The following ESM1 variants were observed in gnomAD, a reference collection of about 807,000 sequenced individuals.
The protein encoded by ESM1 is endothelial cell specific molecule 1.
Under a neutral mutation model 14.9 loss-of-function variants are expected in ESM1, and 7 were observed. That is an observed-to-expected ratio of 0.47 (90% CI 0.27 to 0.88). The LOEUF (loss-of-function observed/expected upper bound fraction) is 0.88. Ranked by LOEUF, ESM1 falls within the 40% of genes least tolerant of loss-of-function variation. ESM1 has a pLI of 0.14. For synonymous variants in ESM1, 89 were observed against 89.4 expected, an observed-to-expected ratio of 1.00 and a Z score of 0.02; for missense variants, 192 against 237.9, an observed-to-expected ratio of 0.81 and a Z score of 1.27.
rs1417428847 is a variant in ESM1 at position 54,978,954 on chromosome 5, C to A, written c.*378G>T. 1 of 154,790 alleles carries A rather than the reference C, an allele frequency of 6.5e-6. No homozygotes were observed. Among genetic ancestry groups the A allele is most frequent in the East Asian group, 1.9e-4 (1 of 5,310 alleles). The allele number at this position is 154,790 out of a possible 1,614,324, so 9.6% of individuals were successfully genotyped here. On this transcript the variant is annotated 3_prime_UTR_variant, in exon 3 of 3. Transcript: ENST00000381405. ...TGCTCTTAAGTCTTCATTCCATATC[C>A]CAACATTAATGTACATCAAAGTCAA... is the stretch of plus-strand genomic sequence containing the variant.
At chr5:54,979,891 T>C (rs1372750907) in intron 2 of ESM1, among the ~76,000 whole-genome samples, 1 of 152,220 alleles carries the variant, frequency 6.6e-6, no homozygotes, top group African/African-American at 2.4e-5. Flanking sequence ...TAACTTTTGC[T>C]GCATCCAGAA....
At chr5:54,982,675 T>C (rs1034598146) in intron 1 of ESM1, among the ~76,000 whole-genome samples, 3 of 152,326 alleles carry the variant, frequency 2.0e-5, no homozygotes, top group Admixed American at 6.5e-5. Context: ...CAATCTTCCA[T>C]CTGCTCCAAC....
intron 1 of ESM1, among the ~76,000 whole-genome samples, chr5:54,983,891 C>T (rs1279772506): frequency 1.3e-5 from 2 of 152,190 alleles, no homozygotes; most frequent in African/African-American, 4.8e-5. Flanking sequence ...CACTTCCTCC[C>T]TAATTTCCTT....
rs767853433 is a variant in ESM1 at position 54,985,362 on chromosome 5, G to A, written c.156C>T (p.Gly52=). The change falls in exon 1 of 3, where the codon GGC becomes GGT. Residue 52 remains glycine, a synonymous_variant. Coordinates refer to ENST00000381405, the MANE Select transcript of ESM1 (RefSeq NM_007036.5). ...GCCCTGCAGCGCACACTCGGCAGCA[G>A]CCACAGTCGTCGAGCACTGTCCTCT... ...RCKRTVLDDC[G]CCRVCAAGRG... The A allele has an allele frequency of 1.2e-6, 2 of 1,614,086 alleles. No individual in the cohort carries two copies. The highest frequency in any genetic ancestry group is 2.2e-5 in the South Asian group (2 of 91,094).
Position 54,982,014 on chromosome 5 carries a change from C to A in ESM1, c.434G>T (p.Arg145Ile). Residue 145 changes from arginine (R) to isoleucine (I), a missense_variant, in exon 2 of 3, where the codon AGA becomes ATA. Transcript: ENST00000381405. ...GTGCTTACCCGTGAGAGAAACAAAT[C>A]TGTTGGAAGACTTGGTTACTGAATA... The part of the protein sequence containing the change: ...FQYSVTKSSN[R>I]FVSLTEHDMA... 6.2e-7 allele frequency: 1 copy of A among 1,614,142 alleles called. No individual in the cohort carries two copies. Among genetic ancestry groups the A allele is most frequent in the Non-Finnish European group, 8.5e-7 (1 of 1,179,976 alleles).
Position 54,982,048 on chromosome 5 carries a change from A to C in ESM1, c.400T>G (p.Phe134Val). 3 of 1,614,210 alleles carry C rather than the reference A, an allele frequency of 1.9e-6. No individual in the cohort carries two copies. Among genetic ancestry groups the C allele is most frequent in the Non-Finnish European group, 2.5e-6 (3 of 1,180,002 alleles). Residue 134 changes from phenylalanine (F) to valine (V), a missense_variant, in exon 2 of 3, where the codon TTC (phenylalanine) becomes GTC (valine). Physicochemically the swap from Phe to Val is conservative, Grantham distance 50 (BLOSUM62 -1). Transcript: ENST00000381405. ...RGTGKCLKFP[F>V]FQYSVTKSSN... is the part of the protein sequence containing the mutation. The stretch of plus-strand genomic sequence containing the variant: ...GACTTGGTTACTGAATATTGGAAGA[A>C]GGGGAATTTCAGGCATTTTCCCGTC...
intron 1 of ESM1, among the ~76,000 whole-genome samples, chr5:54,984,460 CA>C (rs1292356261): frequency 6.6e-5 from 10 of 152,154 alleles, no homozygotes; most frequent in Non-Finnish European, 1.0e-4. Context: ...ATAAATTCTA[CA>C]AATGCTTAAC....
rs764562203 is a variant in ESM1, at chr5:54,985,340, C to T, written c.178G>A (p.Gly60Arg). The change falls in exon 1 of 3, where the codon GGG (glycine) becomes AGG (arginine). Residue 60 changes from glycine (G) to arginine (R), a missense_variant. Physicochemically the swap from Gly to Arg is moderately radical, Grantham distance 125. Transcript: ENST00000381405. ...GTGCGGTAGCAAGTTTCTCCCCGCC[C>T]TGCAGCGCACACTCGGCAGCAGCCA... ...DCGCCRVCAA[G>R]RGETCYRTVS... 2.5e-6 allele frequency: 4 copies of T among 1,614,192 alleles called. No individual in the cohort carries two copies. The South Asian group carries it at 4.4e-5, about 18-fold the overall frequency.
chr5:54,984,237 A>T (rs1740480966), intron 1 of ESM1, among the ~76,000 whole-genome samples: 1 of 152,132 alleles, frequency 6.6e-6, no homozygotes, highest in African/African-American at 2.4e-5. Context: ...CATAATAATT[A>T]TTTAGAAATT....
chr5:54,984,974 C>T (rs1334790386), intron 1 of ESM1, among the ~76,000 whole-genome samples: 3 of 152,188 alleles, frequency 2.0e-5, no homozygotes, highest in Admixed American at 6.5e-5. Context: ...TTTCTTTTTG[C>T]GATCTCCTAA....
At position 54,978,537 on chromosome 5, in the gene ESM1, T is replaced by C. The variant is rs572434254; in HGVS notation, c.*795A>G. The C allele has an allele frequency of 5.3e-5, 8 of 152,206 alleles. No homozygotes were observed. Among genetic ancestry groups the C allele is most frequent in the Admixed American group, 3.3e-4 (5 of 15,280 alleles). The allele number at this position is 152,206 out of a possible 1,614,324, so 9.4% of individuals were successfully genotyped here. ...AAGATGACTTGCACTAACACATTTA[T>C]TTATAAAAATATATAAATATTTACC... On this transcript the variant is annotated 3_prime_UTR_variant, in exon 3 of 3. Coordinates refer to ENST00000381405, the MANE Select transcript of ESM1 (RefSeq NM_007036.5).
At position 54,983,832 on chromosome 5, in the gene ESM1, A is replaced by T. The variant is rs558050521; in HGVS notation, c.301+1385T>A. Among the ~76,000 whole-genome samples, 154 of 152,360 alleles carry T rather than the reference A, an allele frequency of 1.0e-3. 1 individual carries two copies. The highest frequency in any genetic ancestry group is 3.6e-3 in the African/African-American group (148 of 41,580). ...AAAGGCATATTATGCCAAGAGAAAA[A>T]GCAATCCACTGCATATACATGCTAT... On this transcript the variant is annotated intron_variant, in intron 1 of 2. Coordinates refer to ENST00000381405, the MANE Select transcript of ESM1 (RefSeq NM_007036.5).
Position 54,979,415 on chromosome 5 carries a change from C to G in ESM1, c.472G>C (p.Asp158His). ...SLTEHDMASG[D>H]GNIVREEVVK... is the part of the protein sequence containing the mutation. ...ACTTCTTCTCTCACAATATTGCCAT[C>G]TCCAGATGCCATGTCATGCTCTGAA... Residue 158 changes from aspartate to histidine, a missense_variant, in exon 3 of 3, where the codon GAT (aspartate) becomes CAT (histidine). Coordinates refer to ENST00000381405, the MANE Select transcript of ESM1 (RefSeq NM_007036.5). The G allele has an allele frequency of 6.2e-7, 1 of 1,612,330 alleles. No homozygotes were observed. Among genetic ancestry groups the G allele is most frequent in the East Asian group, 2.2e-5 (1 of 44,866 alleles).
rs183514647 is a variant in ESM1 at position 54,979,979 on chromosome 5, G to A, written c.452-544C>T. ...CATATGAGAAAAGTTTGTAATATTT[G>A]AAATTTGCTAAAATGAAATTTTCTA... On this transcript the variant is annotated intron_variant, in intron 2 of 2. Transcript: ENST00000381405. Among the ~76,000 whole-genome samples, 404 of 152,306 alleles carry A rather than the reference G, an allele frequency of 2.7e-3. 2 individuals are homozygous for A. Among genetic ancestry groups the A allele is most frequent in the Admixed American group, 7.1e-3 (108 of 15,288 alleles).
chr5:54,985,544 C>G lies in ESM1; in HGVS notation c.-27G>C. On this transcript the variant is annotated 5_prime_UTR_variant, in exon 1 of 3. Transcript: ENST00000381405. ...TTTCCCAGCTGCCTCCGGCTCGGCT[C>G]TCCAGTCGTGGTCTTTGCTGGTGGG... is the stretch of plus-strand genomic sequence containing the variant. 1 of 1,565,000 alleles carries G rather than the reference C, an allele frequency of 6.4e-7. No individual in the cohort carries two copies. Among genetic ancestry groups the G allele is most frequent in the Non-Finnish European group, 8.7e-7 (1 of 1,152,334 alleles).
At chr5:54,979,627 C>G (rs555999817) in intron 2 of ESM1, among the ~76,000 whole-genome samples, 192 bp from the exon 3 acceptor site, 1 of 152,314 alleles carries the variant, frequency 6.6e-6, no homozygotes, top group Admixed American at 6.5e-5. Flanking sequence ...AATTACTTAT[C>G]TTTGTATACC....
chr5:54,983,282 G>T (rs910079935), intron 1 of ESM1, among the ~76,000 whole-genome samples: 2 of 152,176 alleles, frequency 1.3e-5, no homozygotes, highest in Admixed American at 6.5e-5. Flanking sequence ...TCCTGCAAAG[G>T]CCTGTTCCAG....
intron 1 of ESM1, among the ~76,000 whole-genome samples, chr5:54,983,694 A>C (rs1580280961): frequency 6.6e-6 from 1 of 152,332 alleles, no homozygotes; most frequent in Non-Finnish European, 1.5e-5. Context: ...GCAATCTTAA[A>C]GATCTTTTTA....
chr5:54,979,208 T>C lies in ESM1; in HGVS notation c.*124A>G. The C allele has an allele frequency of 1.4e-6, 1 of 701,882 alleles. No homozygotes were observed. Among genetic ancestry groups the C allele is most frequent in the Admixed American group, 2.3e-5 (1 of 44,264 alleles). The allele number at this position is 701,882 out of a possible 1,614,324, so 43.5% of individuals were successfully genotyped here. ...TACTTTTTGTTTTCTGGATCCACCA[T>C]GCATCACATTTGGTCTTCAAAAATT... On this transcript the variant is annotated 3_prime_UTR_variant, in exon 3 of 3. Coordinates refer to ENST00000381405, the MANE Select transcript of ESM1 (RefSeq NM_007036.5).
Sources: allele counts gnomAD v4.1 joint callset (sites outside exome capture counted in the v4.1 genomes callset), GRCh38; gene constraint gnomAD v4.1.1; transcripts MANE v1.5; gene names NCBI Gene and HGNC (gene_info 2026-07-23, HGNC 2026-07-21).